Variants in CPEB3 observed in about 807,000 individuals in gnomAD.
CPEB3 encodes cytoplasmic polyadenylation element-binding protein 3.
A neutral mutation model predicts 67.2 loss-of-function variants in CPEB3; 20 were observed. That is an observed-to-expected ratio of 0.30 (90% CI 0.21 to 0.43). The LOEUF is 0.43. Ranked by LOEUF, CPEB3 falls within the 20% of genes least tolerant of loss-of-function variation. The probability of loss-of-function intolerance (pLI) is 1.00; values close to 1 mark genes in which losing one functional copy is unlikely to be tolerated. For synonymous variants in CPEB3, 376 were observed against 393.1 expected, an observed-to-expected ratio of 0.96 and a Z score of 0.51; for missense variants, 746 against 968.6, an observed-to-expected ratio of 0.77 and a Z score of 3.05.
intron 9 of CPEB3, among the ~76,000 whole-genome samples, chr10:92,064,422 C>T (rs1842472856): frequency 6.6e-6 from 1 of 152,138 alleles, no homozygotes; most frequent in African/African-American, 2.4e-5. Context: ...AGGAGAGGCT[C>T]TCATAATCAC....
intron 1 of CPEB3, among the ~76,000 whole-genome samples, chr10:92,267,786 G>A (rs768310632): frequency 8.6e-5 from 13 of 152,038 alleles, no homozygotes; most frequent in East Asian, 1.9e-4. Context: ...TGAAATTTTC[G>A]TTTAAAATCA....
intron 9 of CPEB3, among the ~76,000 whole-genome samples, chr10:92,062,907 A>G (rs974057963): frequency 1.3e-5 from 2 of 152,206 alleles, no homozygotes; most frequent in Non-Finnish European, 2.9e-5. Context: ...CTTGCAGGCA[A>G]AGGAGATGAG....
intron 1 of CPEB3, among the ~76,000 whole-genome samples, chr10:92,286,816 T>C (rs1842550808): frequency 6.6e-6 from 1 of 152,138 alleles, no homozygotes; most frequent in Non-Finnish European, 1.5e-5. Flanking sequence ...CCCTTTATGG[T>C]AGACAGTTCA....
chr10:92,137,182 T>C, intron 6 of CPEB3: 2 of 400,688 alleles, frequency 5.0e-6, no homozygotes, highest in South Asian at 6.4e-5. Flanking sequence ...ATCCACTTGA[T>C]AATTGGCTCA....
intron 6 of CPEB3, among the ~76,000 whole-genome samples, chr10:92,139,750 T>C (rs1440885136): frequency 6.6e-6 from 1 of 152,154 alleles, no homozygotes; most frequent in African/African-American, 2.4e-5. Flanking sequence ...CCATTTACCC[T>C]GATGTGATTA....
Position 92,133,622 on chromosome 10 carries a change from T to C in CPEB3, c.1453+9407A>G, listed in dbSNP as rs186232263. 3.5e-3 allele frequency among the ~76,000 whole-genome samples: 529 copies of C among 152,296 alleles called. 4 individuals carry two copies. The highest frequency in any genetic ancestry group is 0.017 in the Middle Eastern group (5 of 294). On this transcript the variant is annotated intron_variant, in intron 6 of 9. Transcript: ENST00000265997. ...CTGGTACCATTCCTTCTAAAACGAT[T>C]CCAATCAATAGAAAAAGAGGGAATC...
chr10:92,125,886 G>T (rs1420303725), intron 6 of CPEB3, among the ~76,000 whole-genome samples: 1 of 152,052 alleles, frequency 6.6e-6, no homozygotes, highest in Non-Finnish European at 1.5e-5. Flanking sequence ...ACCATGCCCA[G>T]CTAATTTTTG....
chr10:92,205,470 C>CTTTTTTT (rs34029695), intron 2 of CPEB3, among the ~76,000 whole-genome samples: 24 of 91,028 alleles, frequency 2.6e-4, no homozygotes, highest in Non-Finnish European at 3.0e-4. Context: ...AAATTCAGTC[C>CTTTTTTT]TTTTTTTTTT....
In CPEB3 at chr10:92,185,381, G is replaced by A. The variant is rs117416604; in HGVS notation, c.1166-4362C>T. On this transcript the variant is annotated intron_variant, in intron 3 of 9. Coordinates refer to ENST00000265997, the MANE Select transcript of CPEB3 (RefSeq NM_014912.5). ...TAAATAGGGGTGAGAGGGGATGAAG[G>A]GAGAGGTTAGAGAATAGGGTTACAT... Among the ~76,000 whole-genome samples, 1,084 of 152,194 alleles carry A rather than the reference G, an allele frequency of 7.1e-3. 8 individuals carry two copies. The highest frequency in any genetic ancestry group is 0.012 in the Non-Finnish European group (786 of 68,014).
chr10:92,279,579 G>A (rs1296577549), intron 1 of CPEB3, among the ~76,000 whole-genome samples: 1 of 152,058 alleles, frequency 6.6e-6, no homozygotes, highest in East Asian at 1.9e-4. Flanking sequence ...TTGTGAGCAG[G>A]GGCCACTACT....
At chr10:92,146,346 T>C (rs987514990) in intron 4 of CPEB3, among the ~76,000 whole-genome samples, 2 of 152,030 alleles carry the variant, frequency 1.3e-5, no homozygotes, top group Non-Finnish European at 2.9e-5. Flanking sequence ...CTAGCAAAAC[T>C]TTCCACTAGG....
chr10:92,142,115 A>G (rs1846464067), intron 6 of CPEB3, among the ~76,000 whole-genome samples: 1 of 152,038 alleles, frequency 6.6e-6, no homozygotes, highest in Non-Finnish European at 1.5e-5. Context: ...GAGAGTGAGA[A>G]TTGGAGAAGT....
At chr10:92,176,438 T>C (rs1455597122) in intron 4 of CPEB3, among the ~76,000 whole-genome samples, 13 of 152,204 alleles carry the variant, frequency 8.5e-5, no homozygotes, top group Non-Finnish European at 5.9e-5. Context: ...GGGAATGGGA[T>C]CTACCTAACT....
chr10:92,105,210 T>A (rs1012454488), intron 7 of CPEB3, among the ~76,000 whole-genome samples: 2 of 152,186 alleles, frequency 1.3e-5, no homozygotes, highest in African/African-American at 4.8e-5. Context: ...AAAACCAGAT[T>A]CGAATGGGCC....
intron 4 of CPEB3, among the ~76,000 whole-genome samples, chr10:92,168,514 T>C (rs1282311650): frequency 6.6e-6 from 1 of 152,128 alleles, no homozygotes; most frequent in Non-Finnish European, 1.5e-5. Context: ...TCATCTTGAA[T>C]TGTAGTTCCC....
Position 92,111,200 on chromosome 10 carries a change from G to C in CPEB3, c.1454-6C>G. 1.3e-6 allele frequency: 2 copies of C among 1,578,656 alleles called. No homozygotes were observed. Among genetic ancestry groups the C allele is most frequent in the Non-Finnish European group, 1.7e-6 (2 of 1,147,892 alleles). On this transcript the variant is annotated splice_polypyrimidine_tract_variant and splice_region_variant and intron_variant, in intron 6 of 9. Coordinates refer to ENST00000265997, the MANE Select transcript of CPEB3 (RefSeq NM_014912.5). ...GAACAGCAGAAAGGCATAGCCTTGG[G>C]GAGAGCAAAAACAAAAGGGTAGAGG...
Position 92,049,117 on chromosome 10 carries a change from G to A in CPEB3, c.*3095C>T, listed in dbSNP as rs1852198491. ...GAAAAAATACCAGCATGAAGAAAAG[G>A]TACATATTTGACAGTAGAAAAATGA... On this transcript the variant is annotated 3_prime_UTR_variant, in exon 10 of 10. Transcript: ENST00000265997. The A allele has an allele frequency of 6.6e-6, 1 of 152,388 alleles. No individual in the cohort carries two copies. The highest frequency in any genetic ancestry group is 1.5e-5 in the Non-Finnish European group (1 of 67,984). The allele number at this position is 152,388 out of a possible 1,614,324, so 9.4% of individuals were successfully genotyped here.
intron 1 of CPEB3, among the ~76,000 whole-genome samples, chr10:92,263,333 C>G (rs1293335950): frequency 6.6e-6 from 1 of 152,202 alleles, no homozygotes; most frequent in Non-Finnish European, 1.5e-5. Flanking sequence ...AACTTGGCCT[C>G]CCAAAGTGTT....
chr10:92,130,537 T>C lies in CPEB3; in HGVS notation c.1453+12492A>G, dbSNP rs149720146. On this transcript the variant is annotated intron_variant, in intron 6 of 9. Coordinates refer to ENST00000265997, the MANE Select transcript of CPEB3 (RefSeq NM_014912.5). ...TATCCTCAATGGGTCATTAAATGTC[T>C]TAATGGCCCTTGTGCTGAAAGAGCT... 9.0e-3 allele frequency among the ~76,000 whole-genome samples: 1,364 copies of C among 152,270 alleles called. 24 individuals are homozygous for C. Among genetic ancestry groups the C allele is most frequent in the African/African-American group, 0.031 (1,290 of 41,566 alleles).
Sources: allele counts gnomAD v4.1 joint callset (sites outside exome capture counted in the v4.1 genomes callset), GRCh38; gene constraint gnomAD v4.1.1; transcripts MANE v1.5; gene names NCBI Gene and HGNC (gene_info 2026-07-23, HGNC 2026-07-21).